Variants in MAP3K15 observed in about 807,000 individuals in gnomAD.
MAP3K15 encodes the protein MAPK/ERK kinase kinase 15.
Under a neutral mutation model 99.5 loss-of-function variants are expected in MAP3K15, and 124 were observed. That is an observed-to-expected ratio of 1.25 (90% CI 1.08 to 1.45). MAP3K15 has a LOEUF of 1.45. Ranked by LOEUF, MAP3K15 falls within the 40% of genes most tolerant of loss-of-function variation. MAP3K15 has a pLI of 0.00. For synonymous variants in MAP3K15, 494 were observed against 439.6 expected, an observed-to-expected ratio of 1.12 and a Z score of -1.55; for missense variants, 1,242 against 1,079.7, an observed-to-expected ratio of 1.15 and a Z score of -2.11.
rs1048454523 is a variant in MAP3K15, at chrX:19,425,745, C to T, written c.1280-55G>A. 8.4e-6 allele frequency: 9 copies of T among 1,068,854 alleles called. No homozygotes were observed. The African/African-American group carries it at 1.3e-4, about 15-fold the overall frequency. The allele number at this position is 1,068,854 out of a possible 1,213,427, so 88.1% of individuals were successfully genotyped here. Reference sequence around the variant, plus strand: ...ATAATCTTTTTTAGTTTCTGTCATACTGAGGATAAGCAGGTATTTTATTTT... The same window carrying T: ...ATAATCTTTTTTAGTTTCTGTCATATTGAGGATAAGCAGGTATTTTATTTT... On this transcript the variant is annotated intron_variant, in intron 8 of 28. Coordinates refer to ENST00000338883, the MANE Select transcript of MAP3K15 (RefSeq NM_001001671.4).
At position 19,514,938 on chromosome X, in the gene MAP3K15, G is replaced by A. The variant is rs764569155; in HGVS notation, c.324C>T (p.Phe108=). The A allele has an allele frequency of 3.8e-5, 44 of 1,145,645 alleles. No homozygotes were observed. The South Asian group carries it at 6.4e-4, about 17-fold the overall frequency. 94.4% of individuals were successfully genotyped at this position (1,145,645 alleles called of 1,213,427 possible). A position where few individuals can be genotyped will look rare whatever the true frequency, so the allele number is the denominator to read the frequency against. Residue 108 remains phenylalanine, a synonymous_variant, in exon 1 of 29, where the codon TTC becomes TTT. Coordinates refer to ENST00000338883, the MANE Select transcript of MAP3K15 (RefSeq NM_001001671.4). ...AGGCGTCGAGCACGGCCGTCTCCCCGAAGTCCAGCTCCCCGAAGGGCACGG... is the reference window on the plus strand; with the variant it reads ...AGGCGTCGAGCACGGCCGTCTCCCCAAAGTCCAGCTCCCCGAAGGGCACGG... ...LTSVPFGELD[F]GETAVLDAFY...
intron 13 of MAP3K15, 129 bp downstream of exon 13, chrX:19,407,059 C>A (rs1035267923): frequency 2.4e-6 from 1 of 422,426 alleles, no homozygotes; most frequent in Admixed American, 5.5e-5. Context: ...AATTTTAGAG[C>A]TTTTTTGAGA....
chrX:19,365,174 A>G (rs1212919747), intron 25 of MAP3K15, among the ~76,000 whole-genome samples: 1 of 107,137 alleles, frequency 9.3e-6, no homozygotes, highest in Admixed American at 1.0e-4. Context: ...GCACCACTGC[A>G]CTCTAGCCTG....
chrX:19,432,733 T>C (rs2063892785), intron 6 of MAP3K15, among the ~76,000 whole-genome samples: 1 of 108,554 alleles, frequency 9.2e-6, no homozygotes, highest in South Asian at 4.1e-4. Context: ...TTTTTTTTTT[T>C]TTGAGACAGT....
chrX:19,409,492 C>T lies in MAP3K15; in HGVS notation c.1748+432G>A, dbSNP rs145144676. On this transcript the variant is annotated intron_variant, in intron 12 of 28. Transcript: ENST00000338883. ...AAGAGCTACTCCTCTCCCGAGAATA[C>T]ACCACCTCATGCCCTCCCTGAAAAA... is the stretch of plus-strand genomic sequence containing the variant. 4.3e-3 allele frequency among the ~76,000 whole-genome samples: 480 copies of T among 111,348 alleles called. 5 individuals carry two copies. The highest frequency in any genetic ancestry group is 0.015 in the African/African-American group (445 of 30,607).
intron 19 of MAP3K15, among the ~76,000 whole-genome samples, chrX:19,377,701 T>C (rs1302300426): frequency 8.9e-6 from 1 of 112,133 alleles, no homozygotes; most frequent in Non-Finnish European, 1.9e-5. Flanking sequence ...CAGCCAGCCA[T>C]GGCTCTCAGG....
In MAP3K15 at chrX:19,514,947, C is replaced by T; in HGVS notation, c.315G>A (p.Glu105=). The change falls in exon 1 of 29, where the codon GAG becomes GAA. Residue 105 remains glutamate (E), a synonymous_variant. Transcript: ENST00000338883. ...GAHLTSVPFG[E]LDFGETAVLD... ...GCACGGCCGTCTCCCCGAAGTCCAG[C>T]TCCCCGAAGGGCACGGAGGTGAGGT... is the stretch of plus-strand genomic sequence containing the variant. 8.7e-7 allele frequency: 1 copy of T among 1,152,546 alleles called. No homozygotes were observed. The highest frequency in any genetic ancestry group is 1.1e-6 in the Non-Finnish European group (1 of 871,031). 95.0% of individuals were successfully genotyped at this position (1,152,546 alleles called of 1,213,427 possible).
chrX:19,413,237 A>C, intron 11 of MAP3K15, 120 bp downstream of exon 11: 2 of 496,452 alleles, frequency 4.0e-6, no homozygotes, highest in Non-Finnish European at 6.9e-6. Flanking sequence ...CTGTGATGAT[A>C]CTCTCTCATA....
chrX:19,423,441 C>A (rs916899528), intron 9 of MAP3K15, among the ~76,000 whole-genome samples: 10 of 110,995 alleles, frequency 9.0e-5, no homozygotes, highest in African/African-American at 3.3e-4. Flanking sequence ...TGACTCTGAC[C>A]ACACCTTTGC....
Position 19,395,008 on chromosome X carries a change from T to C in MAP3K15, c.2194+73A>G. On this transcript the variant is annotated intron_variant, in intron 16 of 28. Transcript: ENST00000338883. ...GCTTAGGGGTCTGTCATTTTGTAAA[T>C]GGCAGGACAACAAATGACATCCACG... is the stretch of plus-strand genomic sequence containing the variant. 2.7e-6 allele frequency: 3 copies of C among 1,130,889 alleles called. No homozygotes were observed. In the South Asian group the frequency reaches 5.6e-5, roughly 21 times the overall value. The allele number at this position is 1,130,889 out of a possible 1,213,427, so 93.2% of individuals were successfully genotyped here.
At chrX:19,361,782 C>T (rs1469245928) in intron 26 of MAP3K15, 189 bp from the exon 27 acceptor site, 4 of 363,735 alleles carry the variant, frequency 1.1e-5, no homozygotes, top group South Asian at 5.1e-5. Context: ...TCTAGAAAGC[C>T]TCCTCATCTA....
Position 19,416,344 on chromosome X carries a change from C to CA in MAP3K15, c.1440-1088dup, listed in dbSNP as rs771422369. Among the ~76,000 whole-genome samples the CA allele has an allele frequency of 4.1e-3, 416 of 100,315 alleles. 4 individuals carry two copies. The highest frequency in any genetic ancestry group is 5.0e-3 in the Middle Eastern group (1 of 202). 87.1% of individuals were successfully genotyped at this position (100,315 alleles called of 115,157 possible). On this transcript the variant is annotated intron_variant, in intron 9 of 28. Coordinates refer to ENST00000338883, the MANE Select transcript of MAP3K15 (RefSeq NM_001001671.4). Reference sequence around the variant, plus strand: ...AGACTCTGTCTCAAAAACAAACAACCAAAAAAAAAAAACTTCCACCGTGTG... The same window carrying CA: ...AGACTCTGTCTCAAAAACAAACAACCAAAAAAAAAAAAACTTCCACCGTGTG...
chrX:19,407,239 T>C lies in MAP3K15; in HGVS notation c.1793A>G (p.Asp598Gly). 1.7e-6 allele frequency: 2 copies of C among 1,200,329 alleles called. No homozygotes were observed. Among genetic ancestry groups the C allele is most frequent in the Non-Finnish European group, 2.2e-6 (2 of 890,165 alleles). ...DERCCFLYVH[D>G]NSDDFQIYFS... is the part of the protein sequence containing the mutation. ...GTAGATTTGAAAGTCATCAGAATTA[T>C]CATGGACATAAAGAAAACAACACCT... The change falls in exon 13 of 29, where the codon GAT becomes GGT. Residue 598 changes from aspartate (D) to glycine (G), a missense_variant. Coordinates refer to ENST00000338883, the MANE Select transcript of MAP3K15 (RefSeq NM_001001671.4).
intron 4 of MAP3K15, among the ~76,000 whole-genome samples, chrX:19,460,867 C>G (rs1001428008): frequency 9.1e-6 from 1 of 109,680 alleles, no homozygotes; most frequent in Non-Finnish European, 1.9e-5. Context: ...CTCCGCCTCC[C>G]TGGTTCAAGC....
In MAP3K15 at chrX:19,373,494, A is replaced by G. The variant is rs772993337; in HGVS notation, c.2933+42T>C. 4.3e-6 allele frequency: 5 copies of G among 1,159,672 alleles called. No individual in the cohort carries two copies. In the South Asian group the frequency reaches 9.6e-5, roughly 22 times the overall value. On this transcript the variant is annotated intron_variant, in intron 21 of 28. Transcript: ENST00000338883. ...TGCCCTGTGGCGGAGGACTACCAGCACCCTTTCGGGCCCGCGGCAGACAGA... is the reference window on the plus strand; with the variant it reads ...TGCCCTGTGGCGGAGGACTACCAGCGCCCTTTCGGGCCCGCGGCAGACAGA...
chrX:19,502,912 G>A (rs751430236), intron 1 of MAP3K15, among the ~76,000 whole-genome samples: 2 of 111,550 alleles, frequency 1.8e-5, no homozygotes, highest in African/African-American at 3.3e-5. Flanking sequence ...ATATGGGGAC[G>A]GAAACCAGGA....
chrX:19,364,131 G>A (rs2063317764), intron 25 of MAP3K15, among the ~76,000 whole-genome samples: 2 of 112,126 alleles, frequency 1.8e-5, no homozygotes, highest in African/African-American at 6.5e-5. Context: ...AGGAAGCACT[G>A]GTTGTTCTAA....
intron 11 of MAP3K15, among the ~76,000 whole-genome samples, chrX:19,411,113 G>T (rs1253964274): frequency 9.1e-6 from 1 of 109,827 alleles, no homozygotes; most frequent in African/African-American, 3.3e-5. Flanking sequence ...GAACCTGGGA[G>T]GCAGAGGTTC....
At chrX:19,407,486 T>G (rs1371251051) in intron 12 of MAP3K15, among the ~76,000 whole-genome samples, 1 of 112,091 alleles carries the variant, frequency 8.9e-6, no homozygotes, top group Non-Finnish European at 1.9e-5. Context: ...TTTGTATTTA[T>G]CAACTGACCT....
Sources: allele counts gnomAD v4.1 joint callset (sites outside exome capture counted in the v4.1 genomes callset), GRCh38; gene constraint gnomAD v4.1.1; transcripts MANE v1.5; gene names NCBI Gene and HGNC (gene_info 2026-07-23, HGNC 2026-07-21).